The following ZRANB3 variants were observed in gnomAD, a reference collection of about 807,000 sequenced individuals.
ZRANB3 encodes zinc finger RANBP2-type containing 3.
In ZRANB3, 125 loss-of-function variants were observed where a neutral mutation model predicts 133.8. The observed-to-expected ratio is 0.93, with a 90% CI of 0.81 to 1.08. The LOEUF is 1.08. Ranked by LOEUF, ZRANB3 falls within the 50% of genes least tolerant of loss-of-function variation. The probability of loss-of-function intolerance (pLI) is 0.00; values close to 1 mark genes in which losing one functional copy is unlikely to be tolerated. For synonymous variants in ZRANB3, 387 were observed against 432.7 expected (o/e 0.89, Z 1.31); for missense variants, 1,229 against 1,275.5 (o/e 0.96, Z 0.56).
At chr2:135,291,395 C>G (rs1239901665) in intron 8 of ZRANB3, among the ~76,000 whole-genome samples, 1 of 150,220 alleles carries the variant, frequency 6.7e-6, no homozygotes, top group Non-Finnish European at 1.5e-5. Flanking sequence ...GTTGGCCAGG[C>G]TGGTCTTGAA....
chr2:135,429,100 T>A (rs1363127919), intron 2 of ZRANB3, among the ~76,000 whole-genome samples: 1 of 152,170 alleles, frequency 6.6e-6, no homozygotes, highest in African/African-American at 2.4e-5. Flanking sequence ...TTCATCACAG[T>A]GCTACTCACA....
intron 2 of ZRANB3, among the ~76,000 whole-genome samples, chr2:135,499,818 T>C (rs545385878): frequency 1.1e-4 from 16 of 152,270 alleles, no homozygotes; most frequent in African/African-American, 3.6e-4. Context: ...GTATTATGTA[T>C]CACCCAAATT....
intron 8 of ZRANB3, among the ~76,000 whole-genome samples, chr2:135,295,346 T>C (rs1170706193): frequency 6.6e-6 from 1 of 152,140 alleles, no homozygotes; most frequent in East Asian, 1.9e-4. Context: ...CTTCTTTGTC[T>C]CTTTTGATCT....
intron 8 of ZRANB3, among the ~76,000 whole-genome samples, chr2:135,293,675 G>C (rs1420110817): frequency 6.6e-6 from 1 of 151,180 alleles, no homozygotes; most frequent in Admixed American, 6.6e-5. Context: ...TCTTGTGCCA[G>C]TTTTCAAAGG....
At chr2:135,496,914 A>G (rs952522840) in intron 2 of ZRANB3, among the ~76,000 whole-genome samples, 1 of 152,202 alleles carries the variant, frequency 6.6e-6, no homozygotes, top group Non-Finnish European at 1.5e-5. Context: ...TTGCTTATCA[A>G]GAAAGAAATT....
In ZRANB3 at chr2:135,217,557, C is replaced by T; in HGVS notation, c.2403G>A (p.Arg801=). Residue 801 remains arginine, a synonymous_variant, in exon 17 of 21, where the codon AGG becomes AGA. Transcript: ENST00000264159. ...ATAGCTGTCCACTTTTCCTGATTATCCTTTGCTTCATGGCAGTTAGACTAC... is the reference window on the plus strand; with the variant it reads ...ATAGCTGTCCACTTTTCCTGATTATTCTTTGCTTCATGGCAGTTAGACTAC... ...EWSSLTAMKQ[R]IIRKSGQLFC... 6.2e-7 allele frequency: 1 copy of T among 1,613,788 alleles called. No homozygotes were observed. The highest frequency in any genetic ancestry group is 1.1e-5 in the South Asian group (1 of 91,030).
rs2104948045 is a variant in ZRANB3, at chr2:135,406,906, T to C, written c.162-16086A>G. Among the ~76,000 whole-genome samples, 3 of 152,268 alleles carry C rather than the reference T, an allele frequency of 2.0e-5. No individual in the cohort carries two copies. The South Asian group carries it at 6.2e-4, about 32-fold the overall frequency. On this transcript the variant is annotated intron_variant, in intron 2 of 20. Coordinates refer to ENST00000264159, the MANE Select transcript of ZRANB3 (RefSeq NM_032143.4). ...AACTGGAAGCATTCCCTTCAAAACATGGCACAAGACAGGGATGCCCTCTCT... is the reference window on the plus strand; with the variant it reads ...AACTGGAAGCATTCCCTTCAAAACACGGCACAAGACAGGGATGCCCTCTCT...
chr2:135,229,621 C>T (rs111771463), intron 13 of ZRANB3, among the ~76,000 whole-genome samples: 6,740 of 152,148 alleles, frequency 0.044, 503 homozygotes, highest in African/African-American at 0.16. Context: ...CCCGCCTCGG[C>T]CTCCCAAAGT....
At chr2:135,298,183 G>A (rs572596990) in intron 8 of ZRANB3, among the ~76,000 whole-genome samples, 2 of 152,122 alleles carry the variant, frequency 1.3e-5, no homozygotes, top group Admixed American at 6.5e-5. Flanking sequence ...AGCCAAGATC[G>A]TACCACTGCA....
chr2:135,381,173 G>C (rs937567196), intron 3 of ZRANB3, among the ~76,000 whole-genome samples: 1 of 152,194 alleles, frequency 6.6e-6, no homozygotes, highest in Admixed American at 6.5e-5. Flanking sequence ...TTTTCTGACC[G>C]TCATAGCAAA....
chr2:135,511,046 C>G, intron 1 of ZRANB3: 1 of 776,496 alleles, frequency 1.3e-6, no homozygotes, highest in Non-Finnish European at 2.4e-6. Flanking sequence ...TCCTTTGATC[C>G]CTTTGAGGTT....
At position 135,214,254 on chromosome 2, in the gene ZRANB3, A is replaced by T. The variant is rs1694217521; in HGVS notation, c.2495+3211T>A. On this transcript the variant is annotated intron_variant, in intron 17 of 20. Transcript: ENST00000264159. ...GTAATTTGTTATGGCAGCGATAGAA[A>T]AATGTAACTTATCTCCCCACTTTGA... Among the ~76,000 whole-genome samples, 2 of 152,188 alleles carry T rather than the reference A, an allele frequency of 1.3e-5. 1 individual carries two copies. Among genetic ancestry groups the T allele is most frequent in the South Asian group, 4.1e-4 (2 of 4,826 alleles).
At chr2:135,291,963 T>C (rs2104795547) in intron 8 of ZRANB3, among the ~76,000 whole-genome samples, 1 of 152,364 alleles carries the variant, frequency 6.6e-6, no homozygotes, top group East Asian at 1.9e-4. Flanking sequence ...CCATGGTGTA[T>C]ATGTGCCACA....
chr2:135,496,654 G>A (rs895280268), intron 2 of ZRANB3, among the ~76,000 whole-genome samples: 14 of 152,026 alleles, frequency 9.2e-5, no homozygotes, highest in African/African-American at 3.1e-4. Flanking sequence ...AGCTGAACTC[G>A]ATATTCTAGG....
intron 2 of ZRANB3, among the ~76,000 whole-genome samples, chr2:135,455,345 C>G (rs1690462101): frequency 6.6e-6 from 1 of 151,418 alleles, no homozygotes; most frequent in Admixed American, 6.6e-5. Flanking sequence ...TGTGCCACCA[C>G]GCCTGGCTAA....
At chr2:135,422,390 A>G (rs1688899548) in intron 2 of ZRANB3, among the ~76,000 whole-genome samples, 1 of 151,890 alleles carries the variant, frequency 6.6e-6, no homozygotes, top group Admixed American at 6.6e-5. Context: ...TAGACTTCTC[A>G]GCATCATTTG....
chr2:135,449,736 A>G (rs1432113478), intron 2 of ZRANB3, among the ~76,000 whole-genome samples: 2 of 152,214 alleles, frequency 1.3e-5, no homozygotes, highest in Non-Finnish European at 2.9e-5. Context: ...TAACTATTTA[A>G]TAAGTAGGTT....
At chr2:135,412,034 T>C (rs899528122) in intron 2 of ZRANB3, among the ~76,000 whole-genome samples, 2 of 152,228 alleles carry the variant, frequency 1.3e-5, no homozygotes, top group Non-Finnish European at 2.9e-5. Flanking sequence ...ACTAAGGGCT[T>C]AGCACTGTGC....
At chr2:135,460,354 T>G (rs1439318116) in intron 2 of ZRANB3, among the ~76,000 whole-genome samples, 1 of 151,976 alleles carries the variant, frequency 6.6e-6, no homozygotes, top group Non-Finnish European at 1.5e-5. Flanking sequence ...CTCTGCCTCC[T>G]GGGTTCAAGC....
Sources: allele counts gnomAD v4.1 joint callset (sites outside exome capture counted in the v4.1 genomes callset), GRCh38; gene constraint gnomAD v4.1.1; transcripts MANE v1.5; gene names NCBI Gene and HGNC (gene_info 2026-07-23, HGNC 2026-07-21).